Variants in ZNF280C observed in about 807,000 individuals in gnomAD.
ZNF280C encodes the protein zinc finger protein 280C.
A neutral mutation model predicts 53.6 loss-of-function variants in ZNF280C; 14 were observed. That is an observed-to-expected ratio of 0.26 (90% CI 0.17 to 0.41). The LOEUF (loss-of-function observed/expected upper bound fraction) is 0.41, where lower values mean the gene tolerates loss of function less well. Among genes scored for constraint, ZNF280C ranks in the 10% least tolerant of loss-of-function variants. The pLI, the probability that ZNF280C is intolerant of heterozygous loss-of-function variation, is 1.00. For missense variants in ZNF280C, 416 were observed against 547.1 expected (o/e 0.76, Z 2.39); for synonymous variants, 203 against 181.1 (o/e 1.12, Z -0.97).
In ZNF280C at chrX:130,228,984, C is replaced by A; in HGVS notation, c.1140G>T (p.Glu380Asp). Residue 380 changes from glutamate (E) to aspartate (D), a missense_variant, in exon 10 of 19, where the codon GAG becomes GAT. Coordinates refer to ENST00000370978, the MANE Select transcript of ZNF280C (RefSeq NM_017666.5). The stretch of plus-strand genomic sequence containing the variant: ...AAAGAAACTTTCACTTACTAGAAAA[C>A]TCATGGGGAGTGTGTGTACTCTCAA... ...CHIESTHTPH[E>D]FSTICKICEL... The A allele has an allele frequency of 8.4e-7, 1 of 1,186,216 alleles. No individual in the cohort carries two copies. Among genetic ancestry groups the A allele is most frequent in the Non-Finnish European group, 1.1e-6 (1 of 881,350 alleles).
At chrX:130,259,547 T>A (rs1343754808) in intron 2 of ZNF280C, among the ~76,000 whole-genome samples, 1 of 112,634 alleles carries the variant, frequency 8.9e-6, no homozygotes, top group Non-Finnish European at 1.9e-5. Flanking sequence ...TTAGAAATTA[T>A]TTTTTGTCTA....
chrX:130,222,275 A>ACC (rs1385079143), intron 12 of ZNF280C, among the ~76,000 whole-genome samples: 1 of 46,325 alleles, frequency 2.2e-5, no homozygotes, highest in Non-Finnish European at 3.8e-5. Context: ...ACATTCAGAC[A>ACC]CCACACACAC....
intron 13 of ZNF280C, among the ~76,000 whole-genome samples, chrX:130,219,607 T>C (rs1477179465): frequency 2.7e-5 from 3 of 109,609 alleles, no homozygotes. Context: ...TGCTATGCTA[T>C]CCAGGAGCAA....
chrX:130,264,278 TAA>T (rs1263792180), intron 1 of ZNF280C, among the ~76,000 whole-genome samples: 2 of 110,985 alleles, frequency 1.8e-5, no homozygotes, highest in African/African-American at 3.3e-5. Flanking sequence ...GCTTTTCAGT[TAA>T]GAGAGAAAAT....
chrX:130,226,945 A>G (rs754270344), intron 11 of ZNF280C, 40 bp from the exon 12 acceptor site: 14 of 1,139,672 alleles, frequency 1.2e-5, no homozygotes, highest in Non-Finnish European at 1.5e-5. Flanking sequence ...TTGATATTTT[A>G]TAACTTCTTG....
At chrX:130,234,747 ATACTG>A (rs2032313629) in intron 8 of ZNF280C, among the ~76,000 whole-genome samples, 1 of 111,742 alleles carries the variant, frequency 8.9e-6, no homozygotes, top group Non-Finnish European at 1.9e-5. Flanking sequence ...ACATAACAGA[ATACTG>A]TAATATCTAC....
chrX:130,262,406 T>G (rs1010667193), intron 1 of ZNF280C, among the ~76,000 whole-genome samples: 2 of 112,553 alleles, frequency 1.8e-5, no homozygotes, highest in African/African-American at 3.2e-5. Flanking sequence ...CTACCATACT[T>G]AGTTCCAGTT....
At chrX:130,232,372 A>G (rs2032287148) in intron 8 of ZNF280C, among the ~76,000 whole-genome samples, 1 of 108,818 alleles carries the variant, frequency 9.2e-6, no homozygotes, top group South Asian at 4.1e-4. Context: ...TTTATTGTAT[A>G]TATTTTACAG....
At chrX:130,238,110 G>A (rs1262392035) in intron 6 of ZNF280C, among the ~76,000 whole-genome samples, 2 of 111,007 alleles carry the variant, frequency 1.8e-5, no homozygotes, top group Non-Finnish European at 1.9e-5. Flanking sequence ...TCAAAATCAA[G>A]TTCAAATCCA....
Position 130,215,342 on chromosome X carries a change from G to A in ZNF280C, c.1839-9C>T, listed in dbSNP as rs1300975466. 2 of 1,147,927 alleles carry A rather than the reference G, an allele frequency of 1.7e-6. No homozygotes were observed. Among genetic ancestry groups the A allele is most frequent in the Admixed American group, 5.8e-5 (2 of 34,622 alleles). The allele number at this position is 1,147,927 out of a possible 1,213,427, so 94.6% of individuals were successfully genotyped here. A position where few individuals can be genotyped will look rare whatever the true frequency, so the allele number is the denominator to read the frequency against. ...GAATTCCCCGACGACACCTTATGGA[G>A]ACGGAAAAAAAAGATAAAAAGAGAT... On this transcript the variant is annotated splice_polypyrimidine_tract_variant and intron_variant, in intron 14 of 18. Coordinates refer to ENST00000370978, the MANE Select transcript of ZNF280C (RefSeq NM_017666.5).
intron 2 of ZNF280C, among the ~76,000 whole-genome samples, chrX:130,255,383 G>A (rs192506828): frequency 0.013 from 1,344 of 104,184 alleles, 11 homozygotes; most frequent in Non-Finnish European, 0.021. Context: ...CTCGTGATCC[G>A]CCCGCCTCGG....
Position 130,204,628 on chromosome X carries a change from T to C in ZNF280C, c.*349A>G, listed in dbSNP as rs1322698617. 4 of 175,013 alleles carry C rather than the reference T, an allele frequency of 2.3e-5. No homozygotes were observed. The highest frequency in any genetic ancestry group is 1.6e-4 in the Admixed American group (2 of 12,604). The allele number at this position is 175,013 out of a possible 1,213,427, so 14.4% of individuals were successfully genotyped here. On this transcript the variant is annotated 3_prime_UTR_variant, in exon 19 of 19. Coordinates refer to ENST00000370978, the MANE Select transcript of ZNF280C (RefSeq NM_017666.5). The stretch of plus-strand genomic sequence containing the variant: ...ATCTGACCTAAACATGTAAGACTTA[T>C]AAGAAATTAAGAAAGCAGACAAAAC...
intron 2 of ZNF280C, among the ~76,000 whole-genome samples, chrX:130,257,545 CAT>C (rs1420118543): frequency 9.0e-6 from 1 of 111,274 alleles, no homozygotes; most frequent in Non-Finnish European, 1.9e-5. Context: ...AACATATGTA[CAT>C]ATGAGTTTTA....
chrX:130,227,408 T>C (rs1341920491), intron 11 of ZNF280C, among the ~76,000 whole-genome samples: 1 of 111,484 alleles, frequency 9.0e-6, no homozygotes, highest in Non-Finnish European at 1.9e-5. Context: ...TTTCCCTATA[T>C]GATAACCCAC....
chrX:130,267,568 T>G (rs908293302), intron 1 of ZNF280C, among the ~76,000 whole-genome samples: 1 of 111,496 alleles, frequency 9.0e-6, no homozygotes, highest in African/African-American at 3.3e-5. Flanking sequence ...TCAAAAGGGG[T>G]GCTACCAATG....
chrX:130,205,881 A>G (rs1235652959), intron 16 of ZNF280C, among the ~76,000 whole-genome samples: 1 of 109,307 alleles, frequency 9.1e-6, no homozygotes, highest in Non-Finnish European at 1.9e-5. Context: ...ATGTTAAAAA[A>G]AAAAAAAAAA....
intron 2 of ZNF280C, among the ~76,000 whole-genome samples, chrX:130,253,481 G>A (rs1419246516): frequency 8.9e-6 from 1 of 112,092 alleles, no homozygotes; most frequent in East Asian, 2.8e-4. Flanking sequence ...AAAGAACAAA[G>A]ATGAAGGCAT....
intron 13 of ZNF280C, among the ~76,000 whole-genome samples, chrX:130,219,636 T>C (rs1222531270): frequency 9.1e-6 from 1 of 110,140 alleles, no homozygotes; most frequent in Non-Finnish European, 1.9e-5. Flanking sequence ...TCTCTGAGAG[T>C]AGATTAGTAA....
Position 130,236,630 on chromosome X carries a change from T to C in ZNF280C, c.503A>G (p.Asn168Ser). Residue 168 changes from asparagine to serine, a missense_variant, in exon 7 of 19, where the codon AAT becomes AGT. Asn to Ser is a conservative substitution (Grantham distance 46). Transcript: ENST00000370978. ...IPAIFREGMK[N>S]TSYVLKHPST... ...AGGATGTTTCAACACATATGAAGTA[T>C]TTTTCATACCTACAAAGATTTAAAT... 1 of 1,150,031 alleles carries C rather than the reference T, an allele frequency of 8.7e-7. No individual in the cohort carries two copies. Among genetic ancestry groups the C allele is most frequent in the Non-Finnish European group, 1.2e-6 (1 of 850,101 alleles). The allele number at this position is 1,150,031 out of a possible 1,213,427, so 94.8% of individuals were successfully genotyped here.
Sources: gnomAD v4.1 joint callset for allele counts (sites outside exome capture counted in the v4.1 genomes callset) on GRCh38, gnomAD v4.1.1 for gene constraint, MANE v1.5 for transcripts, NCBI Gene and HGNC (gene_info 2026-07-23, HGNC 2026-07-21) for gene names.